The following KANK1 variants were observed in gnomAD, a reference collection of about 807,000 sequenced individuals.
KANK1 encodes the protein KN motif and ankyrin repeat domain-containing protein 1.
A neutral mutation model predicts 106.2 loss-of-function variants in KANK1; 109 were observed. That is an observed-to-expected ratio of 1.03 (90% CI 0.88 to 1.20). The LOEUF is 1.20. KANK1 is among the 50% of genes most tolerant of loss of function. KANK1 has a pLI of 0.00. For synonymous variants in KANK1, 873 were observed against 652.2 expected (o/e 1.34, Z -5.16); for missense variants, 2,399 against 1,710.7 (o/e 1.40, Z -7.10).
intron 1 of KANK1, among the ~76,000 whole-genome samples, chr9:575,232 G>A (rs2804272): frequency 0.8 from 121,185 of 152,242 alleles, 48,707 homozygotes; most frequent in African/African-American, 0.91. Flanking sequence ...AGTGAGATTT[G>A]TATAATTTGG....
chr9:738,898 T>C (rs1834554667), intron 8 of KANK1, among the ~76,000 whole-genome samples: 1 of 152,190 alleles, frequency 6.6e-6, no homozygotes, highest in South Asian at 2.1e-4. Flanking sequence ...TTGGTGCGTG[T>C]GGACCACTTG....
At chr9:573,712 A>G (rs2804270) in intron 1 of KANK1, among the ~76,000 whole-genome samples, 54,185 of 151,560 alleles carry the variant, frequency 0.36, 12,373 homozygotes, top group South Asian at 0.57. Flanking sequence ...TTTCTAGCTC[A>G]ACACTCCCAC....
chr9:742,370 G>A lies in KANK1; in HGVS notation c.3862G>A (p.Ala1288Thr). The change falls in exon 10 of 12, where the codon GCC becomes ACC. Residue 1288 changes from alanine to threonine, a missense_variant. Ala to Thr is a moderately conservative substitution (Grantham distance 58, BLOSUM62 0). Coordinates refer to ENST00000382297, the MANE Select transcript of KANK1 (RefSeq NM_015158.5). ...GHVEIVKLLL[A>T]QPGCNGHLED... Reference sequence around the variant, plus strand: ...CGTGGAGATTGTCAAGCTGCTGCTGGCCCAGCCCGGCTGCAACGGTCACCT... The same window carrying A: ...CGTGGAGATTGTCAAGCTGCTGCTGACCCAGCCCGGCTGCAACGGTCACCT... 1 of 1,613,976 alleles carries A rather than the reference G, an allele frequency of 6.2e-7. No individual in the cohort carries two copies. Among genetic ancestry groups the A allele is most frequent in the Non-Finnish European group, 8.5e-7 (1 of 1,179,956 alleles).
chr9:664,862 C>G (rs549927681), intron 1 of KANK1, among the ~76,000 whole-genome samples: 42 of 152,232 alleles, frequency 2.8e-4, no homozygotes, highest in Middle Eastern at 3.4e-3. Flanking sequence ...TTGATAAAAG[C>G]TATTCTAATT....
intron 1 of KANK1, among the ~76,000 whole-genome samples, chr9:614,178 T>G (rs1171324208): frequency 6.6e-6 from 1 of 152,144 alleles, no homozygotes; most frequent in East Asian, 1.9e-4. Context: ...CTGACAAGAG[T>G]TCACAAACCA....
intron 9 of KANK1, among the ~76,000 whole-genome samples, chr9:741,873 C>T (rs1387744673): frequency 4.6e-5 from 7 of 152,122 alleles, no homozygotes; most frequent in Non-Finnish European, 8.8e-5. Flanking sequence ...CCTGCCTCAG[C>T]CTCCCAAAGT....
Position 618,513 on chromosome 9 carries a change from T to C in KANK1, c.-83-58377T>C, listed in dbSNP as rs1245322087. The stretch of plus-strand genomic sequence containing the variant: ...GTGAGCTACCATGCCTGGCCCCAGA[T>C]TACATTTTTAAAATGAAGAAACAGA... On this transcript the variant is annotated intron_variant, in intron 1 of 11. Coordinates refer to ENST00000382297, the MANE Select transcript of KANK1 (RefSeq NM_015158.5). 2.0e-5 allele frequency among the ~76,000 whole-genome samples: 3 copies of C among 152,102 alleles called. No individual in the cohort carries two copies. In the East Asian group the frequency reaches 5.8e-4, roughly 29 times the overall value.
chr9:503,225 G>A (rs1259987639), upstream of KANK1, among the ~76,000 whole-genome samples: 1 of 151,944 alleles, frequency 6.6e-6, no homozygotes, highest in Non-Finnish European at 1.5e-5. Flanking sequence ...TTTCATAGAA[G>A]AGTAGACATT....
chr9:487,587 C>T (rs919272691), intron 3 of KANK1, among the ~76,000 whole-genome samples: 2 of 152,182 alleles, frequency 1.3e-5, no homozygotes, highest in South Asian at 4.1e-4. Context: ...TTGGGATTGA[C>T]TTGGCTCCTG....
intron 1 of KANK1, among the ~76,000 whole-genome samples, chr9:575,543 A>C (rs1820322646): frequency 6.7e-6 from 1 of 149,206 alleles, no homozygotes; most frequent in South Asian, 2.1e-4. Context: ...ATGGTGATGC[A>C]CACCTGTGTT....
At position 667,167 on chromosome 9, in the gene KANK1, A is replaced by C. The variant is rs535624763; in HGVS notation, c.-83-9723A>C. 3.3e-5 allele frequency among the ~76,000 whole-genome samples: 5 copies of C among 151,702 alleles called. No homozygotes were observed. In the South Asian group the frequency reaches 1.0e-3, roughly 32 times the overall value. Reference sequence around the variant, plus strand: ...GAGGTTTTCTCTTTCTTCGTGGTTCAATTTTGGTTGTATATGTCCAGGAAT... The same window carrying C: ...GAGGTTTTCTCTTTCTTCGTGGTTCCATTTTGGTTGTATATGTCCAGGAAT... On this transcript the variant is annotated intron_variant, in intron 1 of 11. Coordinates refer to ENST00000382297, the MANE Select transcript of KANK1 (RefSeq NM_015158.5).
At chr9:572,719 A>G (rs899039788) in intron 1 of KANK1, among the ~76,000 whole-genome samples, 1 of 152,082 alleles carries the variant, frequency 6.6e-6, no homozygotes, top group African/African-American at 2.4e-5. Context: ...TTTGAAGGAC[A>G]TGTGTGTTAA....
At chr9:573,414 TGCCC>T (rs1268979006) in intron 1 of KANK1, among the ~76,000 whole-genome samples, 8 of 151,964 alleles carry the variant, frequency 5.3e-5, no homozygotes, top group Non-Finnish European at 1.0e-4. Flanking sequence ...GGACTACAGG[TGCCC>T]GCCACCACGC....
chr9:684,098 C>G (rs1378775450), intron 2 of KANK1: 2 of 909,764 alleles, frequency 2.2e-6, no homozygotes, highest in Non-Finnish European at 2.6e-6. Context: ...AAGCCCCTGG[C>G]TCATCAGAGC....
intron 1 of KANK1, chr9:470,414 T>A (rs2057996179): frequency 6.6e-6 from 1 of 152,646 alleles, no homozygotes; most frequent in South Asian, 2.1e-4. Context: ...GAGGGCTTTT[T>A]TTCTCAACAC....
chr9:498,476 GTCC>G (rs1564125352), intron 3 of KANK1, among the ~76,000 whole-genome samples: 1 of 152,206 alleles, frequency 6.6e-6, no homozygotes, highest in African/African-American at 2.4e-5. Context: ...CAGTAGGATA[GTCC>G]TCCTTGTGAC....
In KANK1 at chr9:634,863, G is replaced by A. The variant is rs767845816; in HGVS notation, c.-83-42027G>A. Among the ~76,000 whole-genome samples, 14 of 152,120 alleles carry A rather than the reference G, an allele frequency of 9.2e-5. No individual in the cohort carries two copies. In the East Asian group the frequency reaches 1.2e-3, roughly 13 times the overall value. On this transcript the variant is annotated intron_variant, in intron 1 of 11. Coordinates refer to ENST00000382297, the MANE Select transcript of KANK1 (RefSeq NM_015158.5). Reference sequence around the variant, plus strand: ...ATCATTAGGGGCCCAGGTTCTTATTGTCACTTCACTCTGCCATCCACTATG... The same window carrying A: ...ATCATTAGGGGCCCAGGTTCTTATTATCACTTCACTCTGCCATCCACTATG...
rs548405553 is a variant in KANK1, at chr9:712,522, G to C, written c.1756G>C (p.Val586Leu). The part of the protein sequence containing the change: ...EMHDRCAGRS[V>L]EMCDKSVSVE... The stretch of plus-strand genomic sequence containing the variant: ...GCATGACCGATGTGCTGGGAGGTCT[G>C]TGGAAATGTGTGACAAGAGTGTGAG... Residue 586 changes from valine (V) to leucine (L), a missense_variant, in exon 3 of 12, where the codon GTG becomes CTG. Transcript: ENST00000382297. 6 of 1,614,216 alleles carry C rather than the reference G, an allele frequency of 3.7e-6. No homozygotes were observed. The African/African-American group carries it at 5.3e-5, about 14-fold the overall frequency.
intron 1 of KANK1, among the ~76,000 whole-genome samples, chr9:607,207 A>T (rs1829422684): frequency 6.6e-6 from 1 of 151,756 alleles, no homozygotes. Flanking sequence ...GATGGTTAGC[A>T]AGGGGCAGTG....
Sources: allele counts gnomAD v4.1 joint callset (sites outside exome capture counted in the v4.1 genomes callset), GRCh38; gene constraint gnomAD v4.1.1; transcripts MANE v1.5; gene names NCBI Gene and HGNC (gene_info 2026-07-23, HGNC 2026-07-21).